ARHGEF17: variants seen among roughly 807,000 people sequenced by gnomAD.
ARHGEF17 encodes Rho guanine nucleotide exchange factor 17.
Under a neutral mutation model 174.0 loss-of-function variants are expected in ARHGEF17, and 80 were observed. That is an observed-to-expected ratio of 0.46 (90% confidence interval 0.38 to 0.55). ARHGEF17 has a LOEUF of 0.55. Ranked by LOEUF, ARHGEF17 falls within the 20% of genes least tolerant of loss-of-function variation. ARHGEF17 has a pLI of 0.00. For synonymous variants in ARHGEF17, 1,311 were observed against 1,189.1 expected (o/e 1.10, Z -2.11); for missense variants, 2,886 against 2,839.7 (o/e 1.02, Z -0.37).
intron 1 of ARHGEF17, among the ~76,000 whole-genome samples, chr11:73,340,089 A>G (rs561679400): frequency 4.1e-4 from 63 of 152,236 alleles, no homozygotes; most frequent in African/African-American, 1.4e-3. Context: ...CCCCACCCCA[A>G]CTGACCTCAT....
chr11:73,345,162 T>C (rs970115509), intron 1 of ARHGEF17, among the ~76,000 whole-genome samples: 1 of 152,178 alleles, frequency 6.6e-6, no homozygotes, highest in African/African-American at 2.4e-5. Context: ...CACTGCCTCC[T>C]TCTGGAAGCT....
rs1277718572 is a variant in ARHGEF17 at position 73,365,115 on chromosome 11, CA to C, written c.5551-274del. ...CTAGGCTTCAGCTTCCCCACCTGTC[CA>C]GGGGGAGGCCAGTGACTGATTTTAG... On this transcript the variant is annotated intron_variant, in intron 18 of 20. Transcript: ENST00000263674. This position sits in a 1 kb window ranked among gnomAD's most constrained non-coding sequence, Gnocchi z 4.9. 6.6e-6 allele frequency: 3 copies of C among 457,416 alleles called. No individual in the cohort carries two copies. Among genetic ancestry groups the C allele is most frequent in the African/African-American group, 5.9e-5 (3 of 50,696 alleles). 28.3% of individuals were successfully genotyped at this position (457,416 alleles called of 1,614,324 possible).
chr11:73,308,914 G>T lies in ARHGEF17; in HGVS notation c.276G>T (p.Pro92=), dbSNP rs577666910. ...VRQLSRRFDA[P]RLDDGSAGTR... is the part of the protein sequence containing the mutation. Reference sequence around the variant, plus strand: ...AGCTCTCCCGGCGCTTCGACGCGCCGCGTCTGGACGACGGCTCCGCTGGGA... The same window carrying T: ...AGCTCTCCCGGCGCTTCGACGCGCCTCGTCTGGACGACGGCTCCGCTGGGA... Residue 92 remains proline (P), a synonymous_variant, in exon 1 of 21, where the codon CCG becomes CCT. Transcript: ENST00000263674. The T allele has an allele frequency of 1.0e-5, 14 of 1,361,196 alleles. No individual in the cohort carries two copies. The highest frequency in any genetic ancestry group is 1.5e-5 in the African/African-American group (1 of 65,222). The allele number at this position is 1,361,196 out of a possible 1,614,324, so 84.3% of individuals were successfully genotyped here. A position where few individuals can be genotyped will look rare whatever the true frequency, so the allele number is the denominator to read the frequency against.
intron 1 of ARHGEF17, among the ~76,000 whole-genome samples, chr11:73,324,450 A>T (rs1373338147): frequency 6.6e-6 from 1 of 152,128 alleles, no homozygotes; most frequent in African/African-American, 2.4e-5. Context: ...GCCTAGCCCT[A>T]TGTTGCTGCT....
At chr11:73,345,588 C>T (rs1291586513) in intron 1 of ARHGEF17, among the ~76,000 whole-genome samples, 5 of 152,116 alleles carry the variant, frequency 3.3e-5, no homozygotes, top group Admixed American at 6.5e-5. Context: ...ATAGCAGTGA[C>T]CAGGACAGCC....
intron 1 of ARHGEF17, among the ~76,000 whole-genome samples, chr11:73,327,698 GAAC>G (rs1169977960): frequency 2.0e-5 from 3 of 152,178 alleles, no homozygotes; most frequent in Non-Finnish European, 4.4e-5. Flanking sequence ...ACTGTGGCCA[GAAC>G]ATGATGCAGC....
At chr11:73,338,664 G>A (rs1204231501) in intron 1 of ARHGEF17, among the ~76,000 whole-genome samples, 1 of 152,074 alleles carries the variant, frequency 6.6e-6, no homozygotes, top group Admixed American at 6.5e-5. Flanking sequence ...GCTGAAGAAA[G>A]GCAACCACCA....
chr11:73,315,392 C>T (rs1205683686), intron 1 of ARHGEF17, among the ~76,000 whole-genome samples: 2 of 152,322 alleles, frequency 1.3e-5, no homozygotes, highest in East Asian at 3.9e-4. Flanking sequence ...TGTTCCTCTC[C>T]ACTCAGACCC....
intron 12 of ARHGEF17, 93 bp downstream of exon 12, chr11:73,361,254 C>A: frequency 8.6e-7 from 1 of 1,158,374 alleles, no homozygotes; most frequent in Non-Finnish European, 1.3e-6. Flanking sequence ...ATGCCGTGAA[C>A]ATTGCTATTG....
In ARHGEF17 at chr11:73,309,691, C is replaced by T. The variant is rs760175493; in HGVS notation, c.1053C>T (p.Cys351=). Residue 351 remains cysteine, a synonymous_variant, in exon 1 of 21, where the codon TGC becomes TGT. Transcript: ENST00000263674. ...AGTGGGGTAGTGGCTCTCCGCCCTG[C>T]GTCCCAGGTCCCCAGGAGGGACTTC... The part of the protein sequence containing the change: ...LREWGSGSPP[C]VPGPQEGLRP... 1.8e-5 allele frequency: 29 copies of T among 1,612,942 alleles called. No homozygotes were observed. The African/African-American group carries it at 2.8e-4, about 16-fold the overall frequency.
At chr11:73,331,002 C>T (rs75114310) in intron 1 of ARHGEF17, among the ~76,000 whole-genome samples, 11,202 of 152,294 alleles carry the variant, frequency 0.074, 568 homozygotes, top group Non-Finnish European at 0.1. Flanking sequence ...GGGGTGGGCA[C>T]ATTACCTGCT....
At chr11:73,314,357 C>T (rs1202225353) in intron 1 of ARHGEF17, among the ~76,000 whole-genome samples, 10 of 152,190 alleles carry the variant, frequency 6.6e-5, no homozygotes, top group Non-Finnish European at 1.2e-4. Context: ...GGGAGTCCTT[C>T]ACCCTCAGGT....
chr11:73,315,412 C>T (rs1253563251), intron 1 of ARHGEF17, among the ~76,000 whole-genome samples: 4 of 152,212 alleles, frequency 2.6e-5, no homozygotes, highest in Non-Finnish European at 5.9e-5. Context: ...CCCTCCCTAC[C>T]CAGCCAGCTC....
At chr11:73,338,904 G>C (rs943693331) in intron 1 of ARHGEF17, among the ~76,000 whole-genome samples, 2 of 152,140 alleles carry the variant, frequency 1.3e-5, no homozygotes, top group African/African-American at 4.8e-5. Flanking sequence ...TGGGGCTGCT[G>C]TGGGGATTAA....
intron 1 of ARHGEF17, among the ~76,000 whole-genome samples, chr11:73,322,562 G>C (rs1865034071): frequency 6.6e-6 from 1 of 152,188 alleles, no homozygotes; most frequent in African/African-American, 2.4e-5. Flanking sequence ...CAGTGACGTG[G>C]TTCACCTGGC....
Position 73,365,047 on chromosome 11 carries a change from AG to A in ARHGEF17, c.5551-341del. 2.9e-6 allele frequency: 1 copy of A among 345,554 alleles called. No individual in the cohort carries two copies. The highest frequency in any genetic ancestry group is 5.3e-6 in the Non-Finnish European group (1 of 187,398). 21.4% of individuals were successfully genotyped at this position (345,554 alleles called of 1,614,324 possible). On this transcript the variant is annotated intron_variant, in intron 18 of 20. Transcript: ENST00000263674. The surrounding 1 kb of genome is among the most constrained non-coding windows in gnomAD (Gnocchi z 4.9). The stretch of plus-strand genomic sequence containing the variant: ...GGCAGGAGTCCAAAGCCCTGGGTTC[AG>A]GCCCCAGCTCTGTGACTGACTTGCT...
At chr11:73,329,102 GAT>G in intron 1 of ARHGEF17, among the ~76,000 whole-genome samples, 1 of 151,140 alleles carries the variant, frequency 6.6e-6, no homozygotes, top group Middle Eastern at 3.4e-3. Flanking sequence ...AATCCAAAAG[GAT>G]AAAAAGTCTC....
At chr11:73,354,663 G>A (rs139537039) in intron 3 of ARHGEF17, among the ~76,000 whole-genome samples, 4,123 of 151,368 alleles carry the variant, frequency 0.027, 81 homozygotes, top group Non-Finnish European at 0.043. Context: ...GCAGTGAGCC[G>A]AGATCGTGCC....
intron 1 of ARHGEF17, among the ~76,000 whole-genome samples, chr11:73,331,620 G>GT (rs1195708763): frequency 5.9e-4 from 89 of 152,026 alleles, no homozygotes; most frequent in Non-Finnish European, 8.4e-4. Flanking sequence ...GCGAGGGGGA[G>GT]TGGGGGGGTG....
Sources: allele counts gnomAD v4.1 joint callset (sites outside exome capture counted in the v4.1 genomes callset), GRCh38; gene constraint gnomAD v4.1.1; non-coding constraint Gnocchi (gnomAD v3.1); transcripts MANE v1.5; gene names NCBI Gene and HGNC (gene_info 2026-07-23, HGNC 2026-07-21).